Variants in PDS5B observed in about 807,000 individuals in gnomAD.
PDS5B encodes the protein sister chromatid cohesion protein PDS5 homolog B.
Under a neutral mutation model 184.1 loss-of-function variants are expected in PDS5B, and 51 were observed. The ratio of observed to expected loss-of-function variants is 0.28; its 90% CI spans 0.22 to 0.35. PDS5B has a LOEUF of 0.35. Ranked by LOEUF, PDS5B falls within the 10% of genes least tolerant of loss-of-function variation. PDS5B has a pLI of 1.00. For missense variants in PDS5B, 1,180 were observed against 1,723.3 expected (o/e 0.68, Z 5.58); for synonymous variants, 566 against 569.2 (o/e 0.99, Z 0.08).
intron 7 of PDS5B, among the ~76,000 whole-genome samples, chr13:32,671,795 G>A (rs1278042489): frequency 6.6e-6 from 1 of 152,224 alleles, no homozygotes; most frequent in African/African-American, 2.4e-5. Flanking sequence ...AATTAAGCCA[G>A]TTGTGTGTTA....
At chr13:32,630,160 C>T (rs777532533) in intron 1 of PDS5B, among the ~76,000 whole-genome samples, 9 of 152,208 alleles carry the variant, frequency 5.9e-5, no homozygotes, top group Non-Finnish European at 1.3e-4. Flanking sequence ...AGCTCTGCTC[C>T]ATCTCCCCAG....
intron 1 of PDS5B, among the ~76,000 whole-genome samples, chr13:32,629,311 A>G (rs373148236): frequency 1.3e-5 from 2 of 151,738 alleles, no homozygotes; most frequent in East Asian, 1.9e-4. Flanking sequence ...AGACATTGAG[A>G]TCACTGGCTT....
chr13:32,596,667 TTTTTAA>T (rs1420559690), intron 1 of PDS5B, among the ~76,000 whole-genome samples: 1 of 152,140 alleles, frequency 6.6e-6, no homozygotes, highest in Non-Finnish European at 1.5e-5. Flanking sequence ...TTAGTCAATC[TTTTTAA>T]TTTTAGCTAT....
intron 13 of PDS5B, chr13:32,690,845 T>C (rs547611534): frequency 5.9e-5 from 9 of 152,238 alleles, no homozygotes; most frequent in African/African-American, 2.2e-4. Context: ...AATGGATATT[T>C]ATTTGTTTTA....
intron 30 of PDS5B, chr13:32,763,519 C>T (rs1224902535): frequency 1.3e-5 from 2 of 151,934 alleles, no homozygotes; most frequent in Non-Finnish European, 2.9e-5. Context: ...CATGAGCAAT[C>T]AGTTGAGAAT....
intron 3 of PDS5B, among the ~76,000 whole-genome samples, chr13:32,653,648 T>C (rs1950425386): frequency 6.6e-6 from 1 of 152,206 alleles, no homozygotes; most frequent in Admixed American, 6.5e-5. Context: ...TTAAAGGTGG[T>C]ATTGAATTGT....
intron 5 of PDS5B, 135 bp downstream of exon 5, chr13:32,658,666 A>G: frequency 5.5e-6 from 3 of 549,410 alleles, no homozygotes; most frequent in Admixed American, 3.5e-5. Context: ...TTATTTTTAT[A>G]CATGTTTCAA....
intron 1 of PDS5B, among the ~76,000 whole-genome samples, chr13:32,600,644 C>A (rs751641016): frequency 1.1e-4 from 17 of 152,180 alleles, no homozygotes; most frequent in Non-Finnish European, 2.5e-4. Context: ...GTGGCTGAGG[C>A]AGGAGAATCA....
chr13:32,721,660 C>T (rs548279457), intron 19 of PDS5B, among the ~76,000 whole-genome samples: 10 of 143,304 alleles, frequency 7.0e-5, no homozygotes, highest in South Asian at 4.6e-4. Context: ...CGGGCAGAGG[C>T]GCTCCCCACG....
chr13:32,592,665 T>C (rs2057795580), intron 1 of PDS5B, among the ~76,000 whole-genome samples: 2 of 152,166 alleles, frequency 1.3e-5, no homozygotes, highest in Non-Finnish European at 2.9e-5. Context: ...GTCAAGTCTT[T>C]ATAGCTGTAG....
chr13:32,686,989 G>A (rs1951414061), intron 11 of PDS5B, 145 bp from the exon 12 acceptor site: 1 of 593,742 alleles, frequency 1.7e-6, no homozygotes, highest in African/African-American at 2.0e-5. Context: ...TTTAATAAAT[G>A]TAGTAATTAT....
chr13:32,733,237 G>A (rs1435511670), intron 20 of PDS5B, among the ~76,000 whole-genome samples: 1 of 151,626 alleles, frequency 6.6e-6, no homozygotes. Flanking sequence ...TTTTGATATT[G>A]TATCTGCTGT....
intron 6 of PDS5B, among the ~76,000 whole-genome samples, chr13:32,661,870 A>G (rs1282423506): frequency 2.6e-5 from 4 of 152,182 alleles, no homozygotes; most frequent in Non-Finnish European, 5.9e-5. Flanking sequence ...CTTATGTAAA[A>G]TAGAGTGGTT....
intron 3 of PDS5B, among the ~76,000 whole-genome samples, chr13:32,653,364 T>C (rs759763242): frequency 2.8e-4 from 42 of 152,168 alleles, no homozygotes; most frequent in Non-Finnish European, 5.0e-4. Flanking sequence ...TAATCCACAG[T>C]GTGAAAAAAT....
chr13:32,596,727 AT>A (rs1364048024), intron 1 of PDS5B, among the ~76,000 whole-genome samples: 1 of 151,782 alleles, frequency 6.6e-6, no homozygotes. Flanking sequence ...TTTATTTTGG[AT>A]TTCCTTGATA....
chr13:32,775,073 TC>T lies in PDS5B; in HGVS notation c.*22del. 6.6e-7 allele frequency: 1 copy of T among 1,504,688 alleles called. No individual in the cohort carries two copies. The highest frequency in any genetic ancestry group is 2.3e-5 in the East Asian group (1 of 43,438). The allele number at this position is 1,504,688 out of a possible 1,614,324, so 93.2% of individuals were successfully genotyped here. A position where few individuals can be genotyped will look rare whatever the true frequency, so the allele number is the denominator to read the frequency against. ...GATGAACAAATGTAATTAATAACTT[TC>T]TCTGTGAAAGCTTTGGAAAAATCTT... On this transcript the variant is annotated 3_prime_UTR_variant, in exon 35 of 35. Coordinates refer to ENST00000315596, the MANE Select transcript of PDS5B (RefSeq NM_015032.4).
At chr13:32,734,560 TTGAA>T (rs1386505941) in intron 20 of PDS5B, among the ~76,000 whole-genome samples, 2 of 152,222 alleles carry the variant, frequency 1.3e-5, no homozygotes, top group South Asian at 2.1e-4. Flanking sequence ...TAGTGGGTGT[TTGAA>T]TGACCCTCTA....
intron 33 of PDS5B, among the ~76,000 whole-genome samples, chr13:32,771,944 T>TAA (rs373941782): frequency 4.2e-5 from 6 of 142,608 alleles, no homozygotes; most frequent in African/African-American, 1.0e-4. Flanking sequence ...AAGTATTTCT[T>TAA]AAAAAAAAAA....
intron 1 of PDS5B, among the ~76,000 whole-genome samples, chr13:32,607,149 A>G (rs1271598942): frequency 6.6e-6 from 1 of 152,008 alleles, no homozygotes; most frequent in African/African-American, 2.4e-5. Context: ...GAGTTTTAGA[A>G]TTTTTCAGCT....
Sources: gnomAD v4.1 joint callset for allele counts (sites outside exome capture counted in the v4.1 genomes callset) on GRCh38, gnomAD v4.1.1 for gene constraint, MANE v1.5 for transcripts, NCBI Gene and HGNC (gene_info 2026-07-23, HGNC 2026-07-21) for gene names.